The following PDE1C variants were observed in gnomAD, a reference collection of about 807,000 sequenced individuals.
The protein encoded by PDE1C is dual specificity calcium/calmodulin-dependent 3',5'-cyclic nucleotide phosphodiesterase 1C.
A neutral mutation model predicts 93.1 loss-of-function variants in PDE1C; 62 were observed. The ratio of observed to expected loss-of-function variants is 0.67; its 90% CI spans 0.54 to 0.82. PDE1C has a LOEUF of 0.82. Among genes scored for constraint, PDE1C ranks in the 40% least tolerant of loss-of-function variants. The pLI is 0.00. For synonymous variants in PDE1C, 325 were observed against 310.1 expected, an observed-to-expected ratio of 1.05 and a Z score of -0.50; for missense variants, 742 against 884.6, an observed-to-expected ratio of 0.84 and a Z score of 2.04.
chr7:31,707,468 G>A, the PDE1C span: 1 of 577,928 alleles, frequency 1.7e-6, no homozygotes, highest in Non-Finnish European at 3.1e-6. Context: ...TCTTCTTTCT[G>A]AGTATGGTTT....
rs1207108015 is a variant in PDE1C at position 32,349,919 on chromosome 7, C to T, written c.310+77903G>A. Among the ~76,000 whole-genome samples the T allele has an allele frequency of 5.9e-5, 9 of 152,346 alleles. No individual in the cohort carries two copies. In the East Asian group the frequency reaches 1.5e-3, roughly 26 times the overall value. On this transcript the variant is annotated intron_variant, in intron 1 of 1. Coordinates refer to the PDE1C transcript ENST00000672256. ...CTGGGATTACAGGCGTGAGCCACCA[C>T]AGCCAGCCTCAAGTTGAATTTTTTA...
chr7:31,638,739 A>C, the PDE1C span, among the ~76,000 whole-genome samples: 8 of 152,148 alleles, frequency 5.3e-5, no homozygotes, highest in African/African-American at 1.9e-4. Context: ...TTTTATAAAA[A>C]GTCATTGGTG....
intron 3 of PDE1C, among the ~76,000 whole-genome samples, chr7:32,128,906 A>AATAT (rs763801947): frequency 0.013 from 728 of 55,654 alleles, 11 homozygotes; most frequent in South Asian, 0.025. Flanking sequence ...AAGTATAACA[A>AATAT]ATATATATAT....
intron 2 of PDE1C, among the ~76,000 whole-genome samples, chr7:31,910,500 T>G (rs112088774): frequency 0.033 from 5,090 of 152,280 alleles, 85 homozygotes; most frequent in South Asian, 0.072. Context: ...TGCTCCAGCT[T>G]TGACCAAATA....
rs553973500 is a variant in PDE1C, at chr7:31,950,102, T to C, written c.129-69242A>G. 1.8e-3 allele frequency among the ~76,000 whole-genome samples: 276 copies of C among 152,338 alleles called. 1 individual carries two copies. Among genetic ancestry groups the C allele is most frequent in the African/African-American group, 6.2e-3 (259 of 41,580 alleles). On this transcript the variant is annotated intron_variant, in intron 2 of 17. Transcript: ENST00000396191. ...AGACAGTGTTTTTGGCCATTTCTCT[T>C]GCTTTATTTTGGTAACAGTTAATTA...
intron 1 of PDE1C, among the ~76,000 whole-genome samples, chr7:32,219,835 C>T (rs1011100931): frequency 2.0e-5 from 3 of 152,180 alleles, no homozygotes; most frequent in Admixed American, 1.3e-4. Context: ...TGTGTCCCTA[C>T]CCAAATCTCA....
chr7:31,956,357 G>A (rs1808141995), intron 2 of PDE1C, among the ~76,000 whole-genome samples: 1 of 152,036 alleles, frequency 6.6e-6, no homozygotes, highest in Non-Finnish European at 1.5e-5. Flanking sequence ...CTCCCAAAGT[G>A]CTGGGATTAC....
At chr7:31,624,053 C>G in the PDE1C span, among the ~76,000 whole-genome samples, 1,233 of 150,800 alleles carry the variant, frequency 8.2e-3, 15 homozygotes, top group African/African-American at 0.028. Flanking sequence ...ACCTAGGAAT[C>G]CACCTTACAA....
chr7:32,165,750 A>G (rs1802211229), intron 3 of PDE1C, among the ~76,000 whole-genome samples: 1 of 152,342 alleles, frequency 6.6e-6, no homozygotes, highest in South Asian at 2.1e-4. Context: ...GACCCAAACC[A>G]TATCAATAGG....
intron 1 of PDE1C, among the ~76,000 whole-genome samples, chr7:32,297,991 CTCTCTCCT>C (rs1562660084): frequency 4.9e-5 from 2 of 40,632 alleles, no homozygotes; most frequent in Admixed American, 2.1e-4. Context: ...CTCTCTCTCT[CTCTCTCCT>C]CTCTCTCTCT....
chr7:31,971,189 C>A (rs73310541), intron 2 of PDE1C, among the ~76,000 whole-genome samples: 5,889 of 152,198 alleles, frequency 0.039, 396 homozygotes, highest in African/African-American at 0.14. Context: ...AAAGCAGAAT[C>A]AGAGGAAATG....
At chr7:32,211,699 C>T (rs1471132771) in intron 1 of PDE1C, among the ~76,000 whole-genome samples, 1 of 151,862 alleles carries the variant, frequency 6.6e-6, no homozygotes, top group African/African-American at 2.4e-5. Context: ...TTATTTCTTC[C>T]ATTTAGACAC....
At chr7:31,694,764 C>A in the PDE1C span, among the ~76,000 whole-genome samples, 2 of 151,964 alleles carry the variant, frequency 1.3e-5, no homozygotes, top group South Asian at 2.1e-4. Context: ...ATGGGCAGGG[C>A]GTGATCAGAT....
At chr7:31,836,907 C>T (rs536093551) in intron 11 of PDE1C, among the ~76,000 whole-genome samples, 5 of 151,974 alleles carry the variant, frequency 3.3e-5, no homozygotes, top group African/African-American at 1.2e-4. Flanking sequence ...AAGAACCCCT[C>T]AAATGACATT....
chr7:31,724,519 G>A, the PDE1C span, among the ~76,000 whole-genome samples: 1 of 152,188 alleles, frequency 6.6e-6, no homozygotes, highest in African/African-American at 2.4e-5. Flanking sequence ...CCCACCTGCT[G>A]TCAACCTTAT....
intron 11 of PDE1C, among the ~76,000 whole-genome samples, chr7:31,834,514 G>A (rs568458037): frequency 1.3e-5 from 2 of 152,162 alleles, no homozygotes; most frequent in Non-Finnish European, 2.9e-5. Flanking sequence ...AGCATGACCT[G>A]GATGTGAGAC....
In PDE1C at chr7:32,112,597, T is replaced by C. The variant is rs1013166828; in HGVS notation, c.308+57188A>G. ...TCAGCCTTACAAGTACCTAGGACTA[T>C]AGACACATGCCACCACATCTAGCTG... On this transcript the variant is annotated intron_variant, in intron 3 of 18. Transcript: ENST00000396193. Among the ~76,000 whole-genome samples, 15 of 148,386 alleles carry C rather than the reference T, an allele frequency of 1.0e-4. No homozygotes were observed. In the East Asian group the frequency reaches 1.6e-3, roughly 16 times the overall value.
At chr7:32,229,085 G>T (rs891361156) in intron 1 of PDE1C, among the ~76,000 whole-genome samples, 1 of 152,194 alleles carries the variant, frequency 6.6e-6, no homozygotes, top group Non-Finnish European at 1.5e-5. Flanking sequence ...TGTTTTGTAA[G>T]GGAGAGGTGC....
chr7:31,880,214 C>T (rs1194036087), intron 3 of PDE1C, among the ~76,000 whole-genome samples: 3 of 152,066 alleles, frequency 2.0e-5, no homozygotes, highest in African/African-American at 2.4e-5. Context: ...AACTTTCAAA[C>T]GTATGTAGTA....
Sources: gnomAD v4.1 joint callset for allele counts (sites outside exome capture counted in the v4.1 genomes callset) on GRCh38, gnomAD v4.1.1 for gene constraint, MANE v1.5 for transcripts, NCBI Gene and HGNC (gene_info 2026-07-23, HGNC 2026-07-21) for gene names.